Variants in CALCOCO1 observed in about 807,000 individuals in gnomAD.
The protein encoded by CALCOCO1 is calcium binding and coiled-coil domain 1, also known as calcium-binding and coiled-coil domain-containing protein 1.
CALCOCO1 carries 44 observed loss-of-function variants against 86.3 expected under a neutral mutation model. That is an observed-to-expected ratio of 0.51 (90% CI 0.40 to 0.66). CALCOCO1 has a LOEUF of 0.66. CALCOCO1 is among the 30% of genes least tolerant of loss of function. CALCOCO1 has a pLI of 0.00. For missense variants in CALCOCO1, 708 were observed against 851.1 expected (o/e 0.83, Z 2.09); for synonymous variants, 297 against 327.6 (o/e 0.91, Z 1.01).
At chr12:53,720,423 CTATTCTTACCTGTGGGA>C (rs1397992063) in intron 6 of CALCOCO1, among the ~76,000 whole-genome samples, 2 of 152,210 alleles carry the variant, frequency 1.3e-5, no homozygotes, top group African/African-American at 4.8e-5. Flanking sequence ...GATGTAAAAA[CTATTCTTACCTGTGGGA>C]TATACAACAG....
In CALCOCO1 at chr12:53,715,189, G is replaced by A. The variant is rs1945689275; in HGVS notation, c.1386+11C>T. Reference sequence around the variant, plus strand: ...CCATAGGACAGGACCCTTGGTGGCTGGATGCCTCACCAGGCTAGAATCCTT... The same window carrying A: ...CCATAGGACAGGACCCTTGGTGGCTAGATGCCTCACCAGGCTAGAATCCTT... On this transcript the variant is annotated intron_variant, in intron 10 of 14. Coordinates refer to ENST00000550804, the MANE Select transcript of CALCOCO1 (RefSeq NM_020898.3). 4 of 1,613,814 alleles carry A rather than the reference G, an allele frequency of 2.5e-6. No individual in the cohort carries two copies. The highest frequency in any genetic ancestry group is 3.4e-6 in the Non-Finnish European group (4 of 1,179,834).
At chr12:53,712,247 TG>T in intron 14 of CALCOCO1, 126 bp from the exon 15 acceptor site, 1 of 749,758 alleles carries the variant, frequency 1.3e-6, no homozygotes, top group South Asian at 1.9e-5. Flanking sequence ...TGCAGCATCC[TG>T]GCCTCTCCCA....
Position 53,711,676 on chromosome 12 carries a change from T to C in CALCOCO1, c.*268A>G. 2.7e-6 allele frequency: 1 copy of C among 368,602 alleles called. No individual in the cohort carries two copies. The allele number at this position is 368,602 out of a possible 1,614,324, so 22.8% of individuals were successfully genotyped here. A position where few individuals can be genotyped will look rare whatever the true frequency, so the allele number is the denominator to read the frequency against. ...TCTATTCCCACAGGGGAAGGCCTCC[T>C]CCATCCCGGTTCCTCCAAAACCACT... On this transcript the variant is annotated 3_prime_UTR_variant, in exon 15 of 15. Coordinates refer to ENST00000550804, the MANE Select transcript of CALCOCO1 (RefSeq NM_020898.3).
At chr12:53,715,144 G>T in intron 10 of CALCOCO1, 56 bp downstream of exon 10, 1 of 1,594,396 alleles carries the variant, frequency 6.3e-7, no homozygotes, top group Non-Finnish European at 8.5e-7. Flanking sequence ...AGAGAGAAGG[G>T]GTATGGATGC....
In CALCOCO1 at chr12:53,715,244, G is replaced by A; in HGVS notation, c.1342C>T (p.Gln448Ter). ...CGGGCCAGCTCAGTCTTGAACACTT[G>A]GTTTTGGGTCCTCTCCTCCTGAACT... ...KAVQEERTQN[Q>*]VFKTELAREK... Residue 448 changes from glutamine to a stop codon, truncating the protein, a stop_gained, in exon 10 of 15, where the codon CAA (glutamine) becomes TAA (stop). Transcript: ENST00000550804. LOFTEE classifies it high-confidence loss of function. The A allele has an allele frequency of 2.5e-6, 4 of 1,614,070 alleles. No individual in the cohort carries two copies. The highest frequency in any genetic ancestry group is 3.4e-6 in the Non-Finnish European group (4 of 1,180,024).
rs767498651 is a variant in CALCOCO1 at position 53,716,249 on chromosome 12, G to C, written c.1005+11C>G. The C allele has an allele frequency of 6.2e-7, 1 of 1,613,312 alleles. No individual in the cohort carries two copies. The highest frequency in any genetic ancestry group is 2.2e-5 in the East Asian group (1 of 44,880). ...ATTTCCCGTTTCCTGTTGCCAAGGG[G>C]CCTCACTCACCACCCGCTGCTGGGC... On this transcript the variant is annotated intron_variant, in intron 8 of 14. Transcript: ENST00000550804.
chr12:53,717,978 TCG>T (rs1945771137), intron 7 of CALCOCO1, among the ~76,000 whole-genome samples: 1 of 152,156 alleles, frequency 6.6e-6, no homozygotes, highest in Non-Finnish European at 1.5e-5. Context: ...TGAGCCGAGA[TCG>T]CGCCACTGCA....
At chr12:53,712,335 G>A in intron 14 of CALCOCO1, 1 of 540,578 alleles carries the variant, frequency 1.8e-6, no homozygotes, top group Non-Finnish European at 3.3e-6. Flanking sequence ...GTCCCTGCTG[G>A]TCTCTGCAGT....
At chr12:53,724,013 G>T (rs984459713) in intron 3 of CALCOCO1, 15 of 560,788 alleles carry the variant, frequency 2.7e-5, no homozygotes, top group Non-Finnish European at 4.2e-5. Context: ...CCATGTACCA[G>T]ACACTGTGGT....
At chr12:53,722,351 C>A (rs760071902) in intron 4 of CALCOCO1, among the ~76,000 whole-genome samples, 168 bp from the exon 5 acceptor site, 3 of 152,138 alleles carry the variant, frequency 2.0e-5, no homozygotes, top group Admixed American at 6.6e-5. Context: ...CGTCCACCAC[C>A]CAGTCAGATG....
chr12:53,720,605 C>G (rs975782821), intron 6 of CALCOCO1, among the ~76,000 whole-genome samples: 9 of 152,178 alleles, frequency 5.9e-5, no homozygotes, highest in African/African-American at 2.2e-4. Flanking sequence ...ACTAACATAT[C>G]CTGAAGAAGC....
intron 7 of CALCOCO1, among the ~76,000 whole-genome samples, chr12:53,718,314 T>C (rs1252742618): frequency 6.6e-6 from 1 of 152,178 alleles, no homozygotes; most frequent in Non-Finnish European, 1.5e-5. Flanking sequence ...TTCGATAGCC[T>C]CTCATTTCAA....
In CALCOCO1 at chr12:53,716,386, G is replaced by A. The variant is rs756680745; in HGVS notation, c.879C>T (p.Asn293=). 1 of 1,614,038 alleles carries A rather than the reference G, an allele frequency of 6.2e-7. No homozygotes were observed. The highest frequency in any genetic ancestry group is 1.7e-5 in the Admixed American group (1 of 60,006). ...EAELQVAQQE[N]HHLNLDLKEA... ...CCTTCAGGTCCAAATTTAAGTGATGGTTCTCCTGTTGTGCCACTTGGAGCT... is the reference window on the plus strand; with the variant it reads ...CCTTCAGGTCCAAATTTAAGTGATGATTCTCCTGTTGTGCCACTTGGAGCT... The change falls in exon 8 of 15, where the codon AAC becomes AAT. Residue 293 remains asparagine (N), a synonymous_variant. Transcript: ENST00000550804.
intron 12 of CALCOCO1, 50 bp from the exon 13 acceptor site, chr12:53,713,950 G>A: frequency 6.7e-7 from 1 of 1,485,662 alleles, no homozygotes; most frequent in African/African-American, 1.4e-5. Flanking sequence ...GTTGTGAGGA[G>A]TTGGACCAGC....
At chr12:53,724,161 G>A (rs1056397961) in intron 3 of CALCOCO1, 16 of 437,332 alleles carry the variant, frequency 3.7e-5, no homozygotes, top group Non-Finnish European at 9.0e-6. Flanking sequence ...CTTGTGAGTA[G>A]CTGGGACTAC....
Position 53,722,114 on chromosome 12 carries a change from C to T in CALCOCO1, c.520G>A (p.Val174Met). ...TGCACTCGGCTCCTCAGCTCTGTCA[C>T]CTGTCCCTCCAGCTGTAGCTTCAGC... ...MQLKLQLEGQ[V>M]TELRSRVQEL... The change falls in exon 5 of 15, where the codon GTG (valine) becomes ATG (methionine). Residue 174 changes from valine (V) to methionine (M), a missense_variant. Transcript: ENST00000550804. The T allele has an allele frequency of 6.2e-7, 1 of 1,614,000 alleles. No homozygotes were observed. Among genetic ancestry groups the T allele is most frequent in the Non-Finnish European group, 8.5e-7 (1 of 1,180,048 alleles).
chr12:53,727,074 T>A (rs1235060514), intron 1 of CALCOCO1, among the ~76,000 whole-genome samples: 2 of 151,936 alleles, frequency 1.3e-5, no homozygotes, highest in African/African-American at 4.8e-5. Flanking sequence ...TGGATTTGCG[T>A]AGGGGAGAGA....
Position 53,709,464 on chromosome 12 carries a change from C to G in CALCOCO1, c.*2480G>C, listed in dbSNP as rs922460052. The G allele has an allele frequency of 3.3e-5, 5 of 152,166 alleles. No individual in the cohort carries two copies. The highest frequency in any genetic ancestry group is 5.9e-5 in the Non-Finnish European group (4 of 68,090). The allele number at this position is 152,166 out of a possible 1,614,324, so 9.4% of individuals were successfully genotyped here. ...GCAAATTGCATGCCAGAAAGACACA[C>G]AAAGGGCAGAGAAAGGAGCAGCTAG... On this transcript the variant is annotated 3_prime_UTR_variant, in exon 15 of 15. Transcript: ENST00000550804.
intron 10 of CALCOCO1, 81 bp from the exon 11 acceptor site, chr12:53,714,774 C>G: frequency 2.0e-6 from 2 of 987,686 alleles, no homozygotes; most frequent in South Asian, 2.7e-5. Flanking sequence ...GACCAACAAT[C>G]TAGAACCAGG....
Sources: gnomAD v4.1 joint callset for allele counts (sites outside exome capture counted in the v4.1 genomes callset) on GRCh38, gnomAD v4.1.1 for gene constraint, MANE v1.5 for transcripts, NCBI Gene and HGNC (gene_info 2026-07-23, HGNC 2026-07-21) for gene names.